Variants in MYCBP2 observed in about 807,000 individuals in gnomAD.
The protein encoded by MYCBP2 is MYC binding protein 2.
Under a neutral mutation model 525.3 loss-of-function variants are expected in MYCBP2, and 120 were observed. The ratio of observed to expected loss-of-function variants is 0.23; its 90% CI spans 0.20 to 0.27. The LOEUF (loss-of-function observed/expected upper bound fraction) is 0.27, where lower values mean the gene tolerates loss of function less well. Ranked by LOEUF, MYCBP2 falls within the 10% of genes least tolerant of loss-of-function variation. MYCBP2 has a pLI of 1.00. For synonymous variants in MYCBP2, 1,894 were observed against 1,955.8 expected, an observed-to-expected ratio of 0.97 and a Z score of 0.83; for missense variants, 4,149 against 5,657.1, an observed-to-expected ratio of 0.73 and a Z score of 8.55.
At chr13:77,071,310 A>G (rs74096180) in intron 68 of MYCBP2, among the ~76,000 whole-genome samples, 1 of 85,906 alleles carries the variant, frequency 1.2e-5, no homozygotes, top group East Asian at 3.0e-4. Flanking sequence ...CACACACACA[A>G]ATCTTATCTA....
intron 43 of MYCBP2, among the ~76,000 whole-genome samples, chr13:77,163,220 T>C (rs902855309): frequency 6.6e-6 from 1 of 152,220 alleles, no homozygotes; most frequent in Admixed American, 6.5e-5. Flanking sequence ...CAAGTATGTA[T>C]AAAAATTTTC....
At chr13:77,050,020 TTTA>T (rs2036445854) in intron 82 of MYCBP2, among the ~76,000 whole-genome samples, 1 of 152,140 alleles carries the variant, frequency 6.6e-6, no homozygotes, top group African/African-American at 2.4e-5. Flanking sequence ...CTTTTTTTTT[TTTA>T]AACTGATGCG....
At position 77,098,420 on chromosome 13, in the gene MYCBP2, G is replaced by A; in HGVS notation, c.8734C>T (p.Pro2912Ser). ...GAGGGAGCTCTATTTTCAGATCCAG[G>A]GGAATCTGTAGAATCCTTTGGTACT... is the stretch of plus-strand genomic sequence containing the variant. Reference protein sequence around the residue: ...KSVPKDSTDSPGSENRAPSPH... With the variant: ...KSVPKDSTDSSGSENRAPSPH... Residue 2912 changes from proline to serine, a missense_variant, in exon 56 of 83, where the codon CCT (proline) becomes TCT (serine). Coordinates refer to ENST00000544440, the MANE Select transcript of MYCBP2 (RefSeq NM_015057.5). 6.2e-7 allele frequency: 1 copy of A among 1,613,614 alleles called. No homozygotes were observed.
chr13:77,066,273 T>C (rs753056877), intron 71 of MYCBP2, among the ~76,000 whole-genome samples, 185 bp from the exon 72 acceptor site: 2 of 152,220 alleles, frequency 1.3e-5, no homozygotes, highest in African/African-American at 2.4e-5. Context: ...TTAAGGTTAT[T>C]TGAGTTCCCT....
At chr13:77,256,974 A>G (rs752018654) in intron 14 of MYCBP2, among the ~76,000 whole-genome samples, 2 of 152,212 alleles carry the variant, frequency 1.3e-5, no homozygotes, top group Non-Finnish European at 2.9e-5. Flanking sequence ...AAGATTTGGA[A>G]GCAACCTAAG....
intron 55 of MYCBP2, among the ~76,000 whole-genome samples, chr13:77,115,480 T>G (rs539407541): frequency 6.6e-6 from 1 of 152,054 alleles, no homozygotes; most frequent in Admixed American, 6.5e-5. Flanking sequence ...CTTTTACTTC[T>G]ATAACATTCT....
chr13:77,157,914 T>A, intron 45 of MYCBP2, 23 bp downstream of exon 45: 2 of 1,577,694 alleles, frequency 1.3e-6, no homozygotes, highest in East Asian at 2.3e-5. Context: ...TAAAATAAAG[T>A]AAGTAACTTA....
At chr13:77,137,028 CCAGA>C (rs1196746945) in intron 52 of MYCBP2, among the ~76,000 whole-genome samples, 2 of 152,148 alleles carry the variant, frequency 1.3e-5, no homozygotes, top group African/African-American at 4.8e-5. Context: ...CCTAACAATA[CCAGA>C]CACTCTTGAG....
chr13:77,123,646 TG>T (rs991924551), intron 54 of MYCBP2, among the ~76,000 whole-genome samples: 4 of 152,178 alleles, frequency 2.6e-5, no homozygotes, highest in Non-Finnish European at 5.9e-5. Flanking sequence ...CAAGGTCACA[TG>T]AGTAAAAAGT....
chr13:77,046,995 G>T (rs185906064), intron 82 of MYCBP2, among the ~76,000 whole-genome samples: 2 of 152,220 alleles, frequency 1.3e-5, no homozygotes, highest in East Asian at 3.9e-4. Flanking sequence ...GACACAAACT[G>T]CAGCCCTTGG....
At chr13:77,159,820 G>A (rs1170883998) in intron 44 of MYCBP2, among the ~76,000 whole-genome samples, 3 of 152,054 alleles carry the variant, frequency 2.0e-5, no homozygotes, top group East Asian at 3.8e-4. Context: ...CTTTATAGCA[G>A]TGTGAAAATG....
chr13:77,282,170 G>T (rs1421272534), intron 3 of MYCBP2, among the ~76,000 whole-genome samples: 1 of 152,108 alleles, frequency 6.6e-6, no homozygotes, highest in Non-Finnish European at 1.5e-5. Flanking sequence ...CAGCACTTTG[G>T]GAGGCCAAGG....
intron 77 of MYCBP2, among the ~76,000 whole-genome samples, chr13:77,059,289 T>C (rs1048426834): frequency 6.6e-6 from 1 of 152,186 alleles, no homozygotes; most frequent in Non-Finnish European, 1.5e-5. Context: ...CAAAAGTAGA[T>C]ATTAAATACA....
intron 72 of MYCBP2, 94 bp downstream of exon 72, chr13:77,065,898 C>T: frequency 1.3e-6 from 1 of 774,030 alleles, no homozygotes; most frequent in Non-Finnish European, 2.1e-6. Flanking sequence ...TAAAGTTACA[C>T]TAATCTACAT....
chr13:77,205,233 A>G, intron 26 of MYCBP2, 23 bp downstream of exon 26: 10 of 1,517,076 alleles, frequency 6.6e-6, no homozygotes, highest in Non-Finnish European at 8.9e-6. Context: ...ACAAAAAAGG[A>G]CAACATTGTT....
Position 77,098,357 on chromosome 13 carries a change from C to T in MYCBP2, c.8797G>A (p.Val2933Ile), listed in dbSNP as rs766220384. Residue 2933 changes from valine (V) to isoleucine (I), a missense_variant, in exon 56 of 83, where the codon GTC becomes ATC. Transcript: ENST00000544440. The stretch of plus-strand genomic sequence containing the variant: ...AAAGTACTTGAGGTGCAGACTTCGA[C>T]CACCTCACTGTGGAGGTTTTCCTGT... Reference protein sequence around the residue: ...VVQENLHSEVVEVCTSSTLKT... With the variant: ...VVQENLHSEVIEVCTSSTLKT... The T allele has an allele frequency of 1.2e-6, 2 of 1,612,982 alleles. No individual in the cohort carries two copies. The highest frequency in any genetic ancestry group is 1.7e-5 in the Admixed American group (1 of 59,944).
Position 77,293,136 on chromosome 13 carries a change from G to A in MYCBP2, c.378+3463C>T, listed in dbSNP as rs561469737. Among the ~76,000 whole-genome samples, 41 of 152,198 alleles carry A rather than the reference G, an allele frequency of 2.7e-4. No individual in the cohort carries two copies. In the South Asian group the frequency reaches 6.8e-3, roughly 25 times the overall value. ...GCTACTGAGAAGCCTGAAGACAGAC[G>A]CATTTGGGATTAGGAAGTTGAGGAA... On this transcript the variant is annotated intron_variant, in intron 2 of 82. Coordinates refer to ENST00000544440, the MANE Select transcript of MYCBP2 (RefSeq NM_015057.5).
chr13:77,180,095 T>C (rs753318298), intron 34 of MYCBP2, 32 bp downstream of exon 34: 2 of 1,547,790 alleles, frequency 1.3e-6, no homozygotes, highest in African/African-American at 2.7e-5. Context: ...ACACATGTGC[T>C]TTTTATCCAG....
At chr13:77,248,235 C>T (rs374228593) in intron 15 of MYCBP2, among the ~76,000 whole-genome samples, 11 of 150,812 alleles carry the variant, frequency 7.3e-5, no homozygotes, top group African/African-American at 2.0e-4. Flanking sequence ...AAGGCACAGG[C>T]GACAATAACC....
Sources: gnomAD v4.1 joint callset for allele counts (sites outside exome capture counted in the v4.1 genomes callset) on GRCh38, gnomAD v4.1.1 for gene constraint, MANE v1.5 for transcripts, NCBI Gene and HGNC (gene_info 2026-07-23, HGNC 2026-07-21) for gene names.